Variants in SGSM1 observed in about 807,000 individuals in gnomAD.
SGSM1 encodes the protein RUN and TBC1 domain containing 2.
In SGSM1, 73 loss-of-function variants were observed where a neutral mutation model predicts 133.8. That is an observed-to-expected ratio of 0.55 (90% CI 0.45 to 0.66). SGSM1 has a LOEUF of 0.66. Ranked by LOEUF, SGSM1 falls within the 30% of genes least tolerant of loss-of-function variation. The pLI is 0.00. For synonymous variants in SGSM1, 563 were observed against 573.0 expected, an observed-to-expected ratio of 0.98 and a Z score of 0.25; for missense variants, 1,213 against 1,448.1, an observed-to-expected ratio of 0.84 and a Z score of 2.64.
rs1023316233 is a variant in SGSM1, at chr22:24,925,912, C to G, written c.*1638C>G. Reference sequence around the variant, plus strand: ...GAAGTGAACTAGTTTACTCTGCCTACCTGTCCTTTCAATAGAGCAGTCTTT... The same window carrying G: ...GAAGTGAACTAGTTTACTCTGCCTAGCTGTCCTTTCAATAGAGCAGTCTTT... On this transcript the variant is annotated 3_prime_UTR_variant, in exon 25 of 25. Transcript: ENST00000400358. 1 of 152,222 alleles carries G rather than the reference C, an allele frequency of 6.6e-6. No individual in the cohort carries two copies. The highest frequency in any genetic ancestry group is 1.9e-4 in the East Asian group (1 of 5,188). The allele number at this position is 152,222 out of a possible 1,614,324, so 9.4% of individuals were successfully genotyped here.
At chr22:24,830,618 G>C (rs2147809436) in intron 2 of SGSM1, among the ~76,000 whole-genome samples, 1 of 74,680 alleles carries the variant, frequency 1.3e-5, no homozygotes, top group Admixed American at 1.5e-4. Flanking sequence ...GTAGTGCCCT[G>C]TGGCTGTTAA....
At chr22:24,854,438 G>C (rs547615739) in intron 5 of SGSM1, among the ~76,000 whole-genome samples, 1 of 152,124 alleles carries the variant, frequency 6.6e-6, no homozygotes, top group Non-Finnish European at 1.5e-5. Context: ...TATTATAAAG[G>C]CTCTATCATG....
intron 5 of SGSM1, among the ~76,000 whole-genome samples, chr22:24,850,996 G>A (rs1930423887): frequency 6.6e-6 from 1 of 151,718 alleles, no homozygotes; most frequent in South Asian, 2.1e-4. Context: ...AGCTACTCAG[G>A]AGGCTGAGGC....
chr22:24,828,417 GAGAAA>G (rs1225575165), intron 2 of SGSM1, among the ~76,000 whole-genome samples: 4 of 152,108 alleles, frequency 2.6e-5, no homozygotes, highest in Non-Finnish European at 4.4e-5. Context: ...AACTTTGCAA[GAGAAA>G]AGAAAACCTC....
At chr22:24,860,746 C>T (rs563661272) in intron 9 of SGSM1, among the ~76,000 whole-genome samples, 1 of 149,270 alleles carries the variant, frequency 6.7e-6, no homozygotes, top group East Asian at 2.0e-4. Context: ...ACTAAAAATA[C>T]AAAAATTGCC....
rs1314963013 is a variant in SGSM1, at chr22:24,879,543, A to G, written c.1495+17A>G. The G allele has an allele frequency of 6.2e-7, 1 of 1,611,708 alleles. No homozygotes were observed. ...TCTATGGATGTACGTATAGGGCTCC[A>G]TTGCCAGTGTGTCTCCGTGGAGCAG... On this transcript the variant is annotated intron_variant, in intron 14 of 24. Coordinates refer to ENST00000400358, the MANE Select transcript of SGSM1 (RefSeq NM_001098497.3).
chr22:24,845,859 C>A (rs1336457146), intron 3 of SGSM1, among the ~76,000 whole-genome samples: 2 of 143,538 alleles, frequency 1.4e-5, no homozygotes, highest in Non-Finnish European at 3.0e-5. Context: ...CTCAGTTCAC[C>A]CTCTCTTCAG....
intron 2 of SGSM1, among the ~76,000 whole-genome samples, chr22:24,832,534 C>T (rs1569138288): frequency 6.6e-6 from 1 of 152,174 alleles, no homozygotes; most frequent in Non-Finnish European, 1.5e-5. Context: ...TAGAAACTGT[C>T]CTCACAGCAC....
At chr22:24,815,998 A>T (rs536664978) in intron 2 of SGSM1, among the ~76,000 whole-genome samples, 1 of 152,352 alleles carries the variant, frequency 6.6e-6, no homozygotes, top group South Asian at 2.1e-4. Context: ...AACCATAAAC[A>T]TTAGTTCTAT....
intron 5 of SGSM1, 76 bp downstream of exon 5, chr22:24,850,508 C>A: frequency 6.4e-7 from 1 of 1,554,752 alleles, no homozygotes; most frequent in South Asian, 1.2e-5. Context: ...CACCCCCTGG[C>A]ACAAAGCTGC....
At chr22:24,908,215 AACTC>A (rs2123727125) in intron 21 of SGSM1, among the ~76,000 whole-genome samples, 1 of 152,300 alleles carries the variant, frequency 6.6e-6, no homozygotes, top group African/African-American at 2.4e-5. Flanking sequence ...ACAACAAACT[AACTC>A]AAAATGGATC....
chr22:24,846,015 T>A (rs1174608588), intron 3 of SGSM1, among the ~76,000 whole-genome samples: 8 of 147,062 alleles, frequency 5.4e-5, no homozygotes, highest in Non-Finnish European at 1.2e-4. Flanking sequence ...CTTTCTTCAT[T>A]TCTTTCTCTC....
At chr22:24,909,841 G>A (rs1209982811) in intron 21 of SGSM1, among the ~76,000 whole-genome samples, 2 of 152,074 alleles carry the variant, frequency 1.3e-5, no homozygotes, top group South Asian at 4.1e-4. Flanking sequence ...TTCATCCGTA[G>A]ATATATGCCT....
At chr22:24,823,280 A>G (rs1175641446) in intron 2 of SGSM1, among the ~76,000 whole-genome samples, 5 of 152,254 alleles carry the variant, frequency 3.3e-5, no homozygotes, top group Admixed American at 3.3e-4. Context: ...ACAAATGTAT[A>G]AAGCACTGAG....
intron 2 of SGSM1, among the ~76,000 whole-genome samples, chr22:24,830,692 A>G (rs1381971169): frequency 8.6e-5 from 5 of 58,142 alleles, no homozygotes; most frequent in Non-Finnish European, 1.2e-4. Context: ...GGTTACCAGA[A>G]GGAAGCTTTT....
intron 2 of SGSM1, among the ~76,000 whole-genome samples, chr22:24,834,203 A>C (rs547895763): frequency 6.6e-6 from 1 of 152,372 alleles, no homozygotes; most frequent in Admixed American, 6.5e-5. Context: ...GTTGTCAGTC[A>C]CGTCAGCACT....
At chr22:24,846,821 T>G (rs966618769) in intron 3 of SGSM1, among the ~76,000 whole-genome samples, 2 of 152,030 alleles carry the variant, frequency 1.3e-5, no homozygotes, top group Admixed American at 6.5e-5. Flanking sequence ...GCAATATTTG[T>G]TTTTTTGTTT....
At chr22:24,808,874 AC>A (rs1480303357) in intron 2 of SGSM1, among the ~76,000 whole-genome samples, 1 of 151,816 alleles carries the variant, frequency 6.6e-6, no homozygotes, top group East Asian at 1.9e-4. Flanking sequence ...GTTGGGACTT[AC>A]CCCCCAGGTC....
At chr22:24,835,969 A>G (rs570018426) in intron 2 of SGSM1, among the ~76,000 whole-genome samples, 1 of 152,250 alleles carries the variant, frequency 6.6e-6, no homozygotes, top group Non-Finnish European at 1.5e-5. Flanking sequence ...ATGGTAAAAT[A>G]TACATAATAT....
Sources: gnomAD v4.1 joint callset for allele counts (sites outside exome capture counted in the v4.1 genomes callset) on GRCh38, gnomAD v4.1.1 for gene constraint, MANE v1.5 for transcripts, NCBI Gene and HGNC (gene_info 2026-07-23, HGNC 2026-07-21) for gene names.